Variants in CHODL observed in about 807,000 individuals in gnomAD.
CHODL encodes the protein transmembrane protein MT75.
CHODL carries 29 observed loss-of-function variants against 34.5 expected under a neutral mutation model. The ratio of observed to expected loss-of-function variants is 0.84; its 90% CI spans 0.63 to 1.15. CHODL has a LOEUF of 1.15. CHODL is among the 50% of genes most tolerant of loss of function. The probability of loss-of-function intolerance (pLI) is 0.00; values close to 1 mark genes in which losing one functional copy is unlikely to be tolerated. For missense variants in CHODL, 332 were observed against 332.5 expected, an observed-to-expected ratio of 1.00 and a Z score of 0.01; for synonymous variants, 125 against 116.1, an observed-to-expected ratio of 1.08 and a Z score of -0.49.
At chr21:18,117,084 C>A (rs1273824729) in intron 2 of CHODL, among the ~76,000 whole-genome samples, 1 of 152,176 alleles carries the variant, frequency 6.6e-6, no homozygotes, top group African/African-American at 2.4e-5. Flanking sequence ...CGGTGTTCCA[C>A]TATCAATAGC....
chr21:17,944,336 C>A (rs2063388720), intron 1 of CHODL, among the ~76,000 whole-genome samples: 1 of 152,182 alleles, frequency 6.6e-6, no homozygotes, highest in African/African-American at 2.4e-5. Context: ...TGGCTCTGAG[C>A]AGTTAAAAAA....
chr21:17,978,703 T>C (rs1419000812), intron 1 of CHODL, among the ~76,000 whole-genome samples: 17 of 142,754 alleles, frequency 1.2e-4, no homozygotes, highest in African/African-American at 4.2e-4. Context: ...GGGTGACTGA[T>C]GAGACTCCAT....
chr21:18,191,072 C>T (rs545872905), intron 2 of CHODL, among the ~76,000 whole-genome samples: 8 of 152,152 alleles, frequency 5.3e-5, no homozygotes, highest in Admixed American at 5.2e-4. Flanking sequence ...TATAAAAACT[C>T]TTAGAGATAA....
chr21:18,017,440 C>T (rs1295460819), intron 1 of CHODL, among the ~76,000 whole-genome samples: 1 of 152,206 alleles, frequency 6.6e-6, no homozygotes, highest in Non-Finnish European at 1.5e-5. Context: ...CCTTTGCCTT[C>T]CAGCCACTCT....
At chr21:18,211,158 A>ACACG (rs2073770613) in intron 2 of CHODL, among the ~76,000 whole-genome samples, 1 of 151,358 alleles carries the variant, frequency 6.6e-6, no homozygotes, top group Admixed American at 6.6e-5. Context: ...ACACACACAC[A>ACACG]CACACACACA....
At chr21:18,157,602 T>C (rs1466465611) in intron 2 of CHODL, among the ~76,000 whole-genome samples, 2 of 152,196 alleles carry the variant, frequency 1.3e-5, no homozygotes, top group African/African-American at 4.8e-5. Flanking sequence ...ATGTTCTCAT[T>C]TGGGTCATAA....
intron 2 of CHODL, among the ~76,000 whole-genome samples, chr21:18,047,266 C>A (rs940781761): frequency 5.9e-5 from 9 of 151,794 alleles, no homozygotes; most frequent in Non-Finnish European, 1.0e-4. Context: ...AGATTAACTG[C>A]ACTGCTTTGA....
At chr21:18,154,311 A>T (rs1291194375) in intron 2 of CHODL, among the ~76,000 whole-genome samples, 1 of 152,168 alleles carries the variant, frequency 6.6e-6, no homozygotes, top group South Asian at 2.1e-4. Flanking sequence ...TCACACCTGT[A>T]ACAGGGACAC....
intron 1 of CHODL, among the ~76,000 whole-genome samples, chr21:17,964,032 C>T (rs2063553027): frequency 6.6e-6 from 1 of 151,866 alleles, no homozygotes; most frequent in Non-Finnish European, 1.5e-5. Context: ...ATAATCATAC[C>T]CTATTATTTG....
At chr21:18,230,546 C>T (rs2073969298) in intron 2 of CHODL, among the ~76,000 whole-genome samples, 1 of 152,002 alleles carries the variant, frequency 6.6e-6, no homozygotes, top group Non-Finnish European at 1.5e-5. Flanking sequence ...ATTTGAGATG[C>T]TTGTTGATAC....
intron 1 of CHODL, among the ~76,000 whole-genome samples, chr21:17,977,613 G>A (rs2063674591): frequency 6.7e-6 from 1 of 148,972 alleles, no homozygotes; most frequent in East Asian, 2.0e-4. Flanking sequence ...ACCTGCCTCG[G>A]CCTCCCAAAG....
At chr21:18,124,751 AG>A (rs1479466267) in intron 2 of CHODL, among the ~76,000 whole-genome samples, 1 of 152,258 alleles carries the variant, frequency 6.6e-6, no homozygotes, top group Admixed American at 6.5e-5. Flanking sequence ...GGTAGAAAAA[AG>A]AAAGTGAATA....
rs71189578 is a variant in CHODL, at chr21:18,050,926, CT to C, written c.-45+22967del. 1.9e-3 allele frequency among the ~76,000 whole-genome samples: 285 copies of C among 146,720 alleles called. 1 individual carries two copies. Among genetic ancestry groups the C allele is most frequent in the East Asian group, 3.1e-3 (15 of 4,904 alleles). On this transcript the variant is annotated intron_variant, in intron 2 of 6. Transcript: ENST00000400127. ...AGTATCTGTGAGCTTAAGTAACTTG[CT>C]TTTTTTTTTTTATTATTATACTTTA...
At chr21:18,196,117 G>T (rs1446278193) in intron 2 of CHODL, among the ~76,000 whole-genome samples, 1 of 152,154 alleles carries the variant, frequency 6.6e-6, no homozygotes, top group Non-Finnish European at 1.5e-5. Flanking sequence ...AATGTGAACT[G>T]TACCTTAAGA....
chr21:17,968,503 T>C (rs2146359879), intron 1 of CHODL, among the ~76,000 whole-genome samples: 1 of 152,336 alleles, frequency 6.6e-6, no homozygotes, highest in South Asian at 2.1e-4. Flanking sequence ...AATAAAAAAT[T>C]ATTTTACCTT....
chr21:18,034,024 GA>G (rs927779618), intron 2 of CHODL, among the ~76,000 whole-genome samples: 2 of 151,980 alleles, frequency 1.3e-5, no homozygotes, highest in Non-Finnish European at 2.9e-5. Context: ...TAAGGTATAT[GA>G]AATTGAATTG....
At chr21:18,090,197 A>G (rs1389282237) in intron 2 of CHODL, among the ~76,000 whole-genome samples, 18 of 152,254 alleles carry the variant, frequency 1.2e-4, no homozygotes, top group Admixed American at 1.2e-3. Context: ...AAACAGAAAG[A>G]CAAAAACATA....
intron 2 of CHODL, among the ~76,000 whole-genome samples, chr21:18,159,201 C>T (rs953549592): frequency 1.3e-5 from 2 of 152,118 alleles, no homozygotes; most frequent in African/African-American, 4.8e-5. Context: ...AAAGGCCTCC[C>T]GCCAACAAAG....
intron 2 of CHODL, among the ~76,000 whole-genome samples, chr21:18,032,055 A>G (rs1163670412): frequency 2.0e-5 from 3 of 152,084 alleles, no homozygotes; most frequent in Admixed American, 6.6e-5. Flanking sequence ...TGATAAACAG[A>G]ACTCAAACCA....
Sources: gnomAD v4.1 joint callset for allele counts (sites outside exome capture counted in the v4.1 genomes callset) on GRCh38, gnomAD v4.1.1 for gene constraint, MANE v1.5 for transcripts, NCBI Gene and HGNC (gene_info 2026-07-23, HGNC 2026-07-21) for gene names.